The following NKAIN2 variants were observed in gnomAD, a reference collection of about 807,000 sequenced individuals.
NKAIN2 encodes sodium/potassium-transporting ATPase subunit beta-1-interacting protein 2.
In NKAIN2, 14 loss-of-function variants were observed where a neutral mutation model predicts 32.6. That is an observed-to-expected ratio of 0.43 (90% confidence interval 0.28 to 0.67). The LOEUF (loss-of-function observed/expected upper bound fraction) is 0.67, where lower values mean the gene tolerates loss of function less well. NKAIN2 is among the 30% of genes least tolerant of loss of function. The pLI is 0.17. For synonymous variants in NKAIN2, 80 were observed against 87.2 expected (o/e 0.92, Z 0.46); for missense variants, 198 against 258.3 (o/e 0.77, Z 1.60).
intron 4 of NKAIN2, among the ~76,000 whole-genome samples, chr6:124,768,818 T>A (rs576595395): frequency 6.6e-6 from 1 of 152,340 alleles, no homozygotes; most frequent in South Asian, 2.1e-4. Flanking sequence ...GAAAAATTTA[T>A]ACTTAGCCTG....
intron 2 of NKAIN2, among the ~76,000 whole-genome samples, chr6:124,315,048 G>A (rs1796887833): frequency 6.6e-6 from 1 of 152,008 alleles, no homozygotes; most frequent in Admixed American, 6.6e-5. Flanking sequence ...ATAAATGATT[G>A]ATTTTTGGCC....
At chr6:124,401,543 A>G (rs7773569) in intron 3 of NKAIN2, among the ~76,000 whole-genome samples, 2,280 of 152,290 alleles carry the variant, frequency 0.015, 49 homozygotes, top group African/African-American at 0.052. Flanking sequence ...TTGACACTTC[A>G]CGGAAAAAGT....
intron 1 of NKAIN2, among the ~76,000 whole-genome samples, chr6:123,860,176 G>C (rs911877503): frequency 3.3e-5 from 5 of 152,026 alleles, no homozygotes; most frequent in African/African-American, 1.2e-4. Flanking sequence ...CTGGCCCCAA[G>C]AATTTCACCA....
At chr6:124,266,194 A>G (rs1302274463) in intron 1 of NKAIN2, among the ~76,000 whole-genome samples, 1 of 152,190 alleles carries the variant, frequency 6.6e-6, no homozygotes, top group Admixed American at 6.5e-5. Flanking sequence ...ATTGACAAAT[A>G]ATTTCCTATA....
At chr6:124,755,098 C>CA (rs1309111135) in intron 4 of NKAIN2, among the ~76,000 whole-genome samples, 2 of 152,072 alleles carry the variant, frequency 1.3e-5, no homozygotes, top group Non-Finnish European at 2.9e-5. Context: ...AGTCCAGGTC[C>CA]AAAAACCTCA....
chr6:124,635,578 A>G (rs1475011006), intron 3 of NKAIN2, among the ~76,000 whole-genome samples: 1 of 152,084 alleles, frequency 6.6e-6, no homozygotes, highest in East Asian at 1.9e-4. Flanking sequence ...GTAAAGACAC[A>G]CATAGATTCT....
intron 1 of NKAIN2, among the ~76,000 whole-genome samples, chr6:123,872,918 A>G (rs921864715): frequency 1.4e-4 from 21 of 152,208 alleles, no homozygotes; most frequent in African/African-American, 5.1e-4. Context: ...GGTCAATCCT[A>G]CATTCTGGTA....
chr6:124,311,226 C>A (rs1354168834), intron 2 of NKAIN2, among the ~76,000 whole-genome samples: 7 of 152,090 alleles, frequency 4.6e-5, no homozygotes, highest in Non-Finnish European at 1.0e-4. Flanking sequence ...GTCTTCAGAG[C>A]AAGTCTGCAG....
intron 1 of NKAIN2, among the ~76,000 whole-genome samples, chr6:124,249,953 G>T (rs756547954): frequency 6.6e-6 from 1 of 152,096 alleles, no homozygotes; most frequent in Non-Finnish European, 1.5e-5. Context: ...CTTGATCTTG[G>T]TACTAGGATA....
intron 1 of NKAIN2, among the ~76,000 whole-genome samples, chr6:124,118,655 C>T (rs142302559): frequency 6.6e-6 from 1 of 152,166 alleles, no homozygotes; most frequent in Non-Finnish European, 1.5e-5. Context: ...AACATGAAAA[C>T]TCAGTAAAAA....
chr6:124,226,752 T>G (rs971876885), intron 1 of NKAIN2, among the ~76,000 whole-genome samples: 1 of 152,124 alleles, frequency 6.6e-6, no homozygotes, highest in African/African-American at 2.4e-5. Flanking sequence ...GAATGTGCAG[T>G]GTCATCTTTT....
intron 3 of NKAIN2, among the ~76,000 whole-genome samples, chr6:124,376,391 C>T (rs1311027028): frequency 6.6e-6 from 1 of 151,868 alleles, no homozygotes; most frequent in Non-Finnish European, 1.5e-5. Flanking sequence ...TTGAATAATG[C>T]AAGATGTTTT....
At chr6:124,599,827 T>C (rs927379239) in intron 3 of NKAIN2, among the ~76,000 whole-genome samples, 2 of 152,092 alleles carry the variant, frequency 1.3e-5, no homozygotes, top group African/African-American at 4.8e-5. Context: ...AGGGTGATGA[T>C]AAATGACATC....
chr6:124,794,880 A>G, intron 5 of NKAIN2: 1 of 960,288 alleles, frequency 1.0e-6, no homozygotes, highest in Non-Finnish European at 1.2e-6. Context: ...TCCATAGAGT[A>G]AAAAAGGTTT....
At chr6:124,675,415 T>C (rs1773308591) in intron 4 of NKAIN2, among the ~76,000 whole-genome samples, 1 of 152,114 alleles carries the variant, frequency 6.6e-6, no homozygotes, top group Non-Finnish European at 1.5e-5. Flanking sequence ...TAAAATGAGC[T>C]TGTAAGTGTT....
At chr6:124,013,892 G>GA (rs1370430399) in intron 1 of NKAIN2, among the ~76,000 whole-genome samples, 1 of 152,154 alleles carries the variant, frequency 6.6e-6, no homozygotes, top group East Asian at 1.9e-4. Flanking sequence ...TTGGAAGCAG[G>GA]AAAAAATAAG....
chr6:124,796,690 T>G (rs1780013186), intron 5 of NKAIN2, among the ~76,000 whole-genome samples: 1 of 152,128 alleles, frequency 6.6e-6, no homozygotes, highest in African/African-American at 2.4e-5. Flanking sequence ...AAAGCTGAGG[T>G]CCCTGCTCTA....
intron 3 of NKAIN2, among the ~76,000 whole-genome samples, chr6:124,588,693 A>G (rs1272888983): frequency 6.6e-6 from 1 of 152,168 alleles, no homozygotes; most frequent in African/African-American, 2.4e-5. Flanking sequence ...AGGTGCTACC[A>G]ATTGGGGATT....
intron 1 of NKAIN2, among the ~76,000 whole-genome samples, chr6:124,061,123 T>G (rs1389104066): frequency 6.6e-6 from 1 of 152,188 alleles, no homozygotes; most frequent in Non-Finnish European, 1.5e-5. Context: ...TTTAAATATT[T>G]ATTTCTCTGA....
Sources: gnomAD v4.1 joint callset for allele counts (sites outside exome capture counted in the v4.1 genomes callset) on GRCh38, gnomAD v4.1.1 for gene constraint, MANE v1.5 for transcripts, NCBI Gene and HGNC (gene_info 2026-07-23, HGNC 2026-07-21) for gene names.